ANK1: variants seen among roughly 807,000 people sequenced by gnomAD.
ANK1 encodes ankyrin 1.
In ANK1, 51 loss-of-function variants were observed where a neutral mutation model predicts 210.4. The observed-to-expected ratio is 0.24, with a 90% CI of 0.19 to 0.31. The LOEUF (loss-of-function observed/expected upper bound fraction) is 0.31, where lower values mean the gene tolerates loss of function less well. Among genes scored for constraint, ANK1 ranks in the 10% least tolerant of loss-of-function variants. ANK1 has a pLI of 1.00. For synonymous variants in ANK1, 967 were observed against 1,025.9 expected (o/e 0.94, Z 1.10); for missense variants, 2,051 against 2,504.4 (o/e 0.82, Z 3.86).
At chr8:41,690,166 T>C in intron 33 of ANK1, 61 bp downstream of exon 33, 10 of 1,612,274 alleles carry the variant, frequency 6.2e-6, no homozygotes, top group South Asian at 1.1e-5. Flanking sequence ...TGGGGTCTGT[T>C]TGGGGACCTC....
intron 1 of ANK1, among the ~76,000 whole-genome samples, chr8:41,760,958 C>G (rs910798508): frequency 1.3e-5 from 2 of 148,868 alleles, no homozygotes; most frequent in African/African-American, 2.4e-5. Context: ...TATGTCCACA[C>G]TCTTATCCCT....
intron 10 of ANK1, among the ~76,000 whole-genome samples, chr8:41,718,971 T>G (rs1828490332): frequency 6.6e-6 from 1 of 152,202 alleles, no homozygotes; most frequent in South Asian, 2.1e-4. Context: ...CAGTGAAAGC[T>G]TTTTTGAGCG....
At chr8:41,718,438 G>A (rs1451015868) in intron 10 of ANK1, among the ~76,000 whole-genome samples, 1 of 152,174 alleles carries the variant, frequency 6.6e-6, no homozygotes, top group African/African-American at 2.4e-5. Context: ...TCCTGAACAT[G>A]TTGTTTATAA....
chr8:41,827,863 TCACA>T (rs1212839365), intron 1 of ANK1, among the ~76,000 whole-genome samples: 4 of 119,360 alleles, frequency 3.4e-5, no homozygotes, highest in South Asian at 5.6e-4. Context: ...ATACACCCAC[TCACA>T]CACCCCACAC....
rs77971299 is a variant in ANK1 at position 41,813,156 on chromosome 8, C to T, written c.127-55019G>A. On this transcript the variant is annotated intron_variant, in intron 1 of 42. Transcript: ENST00000265709. The stretch of plus-strand genomic sequence containing the variant: ...CTAGATTGTGGGTTATAACGAAGCA[C>T]ATTTTGCAGTTTGAATGTCTCTGGC... Among the ~76,000 whole-genome samples the T allele has an allele frequency of 8.1e-4, 124 of 152,310 alleles. 1 individual carries two copies. Among genetic ancestry groups the T allele is most frequent in the African/African-American group, 2.9e-3 (120 of 41,558 alleles).
chr8:41,674,534 C>T (rs1305420089), intron 37 of ANK1, among the ~76,000 whole-genome samples: 1 of 152,220 alleles, frequency 6.6e-6, no homozygotes, highest in Non-Finnish European at 1.5e-5. Flanking sequence ...CTCCACTAGC[C>T]CCATGACCAC....
intron 1 of ANK1, among the ~76,000 whole-genome samples, chr8:41,792,418 A>G (rs1467408620): frequency 1.3e-5 from 2 of 152,178 alleles, no homozygotes; most frequent in Non-Finnish European, 2.9e-5. Context: ...TTGGCCCAAC[A>G]TTTTCCTAAC....
intron 2 of ANK1, among the ~76,000 whole-genome samples, chr8:41,756,273 A>T (rs1241289448): frequency 7.6e-6 from 1 of 132,144 alleles, no homozygotes; most frequent in Non-Finnish European, 1.6e-5. Flanking sequence ...AGCTTCCCAA[A>T]TAGCTGGGAC....
Position 41,690,565 on chromosome 8 carries a change from G to A in ANK1, c.3893C>T (p.Ser1298Phe). ...LEGMSLFAEL[S>F]GNLVPVKKAA... ...TTTCTTCACAGGCACCAGGTTCCCA[G>A]AGAGTTCTGCAAACAGGGACATTCC... The change falls in exon 32 of 43, where the codon TCT becomes TTT. Residue 1298 changes from serine (S) to phenylalanine (F), a missense_variant. Physicochemically the swap from Ser to Phe is radical, Grantham distance 155. Coordinates refer to ENST00000289734, the MANE Select transcript of ANK1 (RefSeq NM_000037.4). 2.5e-6 allele frequency: 4 copies of A among 1,613,842 alleles called. No homozygotes were observed. Among genetic ancestry groups the A allele is most frequent in the Non-Finnish European group, 3.4e-6 (4 of 1,179,900 alleles).
chr8:41,676,440 CTTATTA>C (rs968295072), intron 37 of ANK1, among the ~76,000 whole-genome samples: 1 of 152,110 alleles, frequency 6.6e-6, no homozygotes, highest in Non-Finnish European at 1.5e-5. Flanking sequence ...GAGTTGTTTT[CTTATTA>C]TTAAGTTTTG....
At chr8:41,684,400 C>G in intron 37 of ANK1, 144 bp downstream of exon 37, 2 of 1,339,210 alleles carry the variant, frequency 1.5e-6, no homozygotes, top group Non-Finnish European at 2.1e-6. Context: ...AAAGGAGGAA[C>G]TTGTTGCTGA....
intron 1 of ANK1, chr8:41,829,525 T>TAC (rs1806180204): frequency 6.6e-6 from 1 of 152,232 alleles, no homozygotes; most frequent in South Asian, 2.1e-4. Flanking sequence ...TGCCTTCTCC[T>TAC]AGTCCCACTC....
intron 1 of ANK1, among the ~76,000 whole-genome samples, chr8:41,863,123 C>T (rs967772178): frequency 2.6e-5 from 4 of 152,098 alleles, no homozygotes; most frequent in South Asian, 4.1e-4. Flanking sequence ...CTTTGGGAGG[C>T]GGAGGCAGGC....
intron 1 of ANK1, among the ~76,000 whole-genome samples, chr8:41,769,268 G>A (rs976987906): frequency 2.0e-5 from 3 of 152,248 alleles, no homozygotes; most frequent in Non-Finnish European, 2.9e-5. Flanking sequence ...GAAGGCAGCA[G>A]CCTGTCTGGA....
chr8:41,845,120 C>CA (rs1809766231), intron 1 of ANK1, among the ~76,000 whole-genome samples: 1 of 152,204 alleles, frequency 6.6e-6, no homozygotes. Flanking sequence ...CGCAGTGACT[C>CA]ACGCCTGTAA....
At chr8:41,833,723 C>G (rs1431817232) in intron 1 of ANK1, among the ~76,000 whole-genome samples, 2 of 152,186 alleles carry the variant, frequency 1.3e-5, no homozygotes, top group Admixed American at 1.3e-4. Flanking sequence ...GTGTTCCGGG[C>G]TCTGTGTTGG....
intron 22 of ANK1, 23 bp from the exon 23 acceptor site, chr8:41,699,571 G>T (rs1464973666): frequency 1.9e-6 from 3 of 1,605,942 alleles, no homozygotes; most frequent in Non-Finnish European, 2.6e-6. Context: ...GAGCTCAAGT[G>T]AGCGACGGGG....
intron 37 of ANK1, among the ~76,000 whole-genome samples, chr8:41,679,299 G>T (rs983914978): frequency 6.6e-5 from 10 of 152,178 alleles, no homozygotes; most frequent in African/African-American, 2.4e-5. Context: ...TAAGTTACTT[G>T]GAAGTAGTTT....
intron 1 of ANK1, among the ~76,000 whole-genome samples, chr8:41,853,228 G>C (rs148824637): frequency 1.3e-5 from 2 of 152,146 alleles, no homozygotes; most frequent in African/African-American, 4.8e-5. Flanking sequence ...CTCTTTCCTG[G>C]CTTTCTTCCT....
Sources: allele counts gnomAD v4.1 joint callset (sites outside exome capture counted in the v4.1 genomes callset), GRCh38; gene constraint gnomAD v4.1.1; transcripts MANE v1.5; gene names NCBI Gene and HGNC (gene_info 2026-07-23, HGNC 2026-07-21).